ASIC2: variants seen among roughly 807,000 people sequenced by gnomAD.
The protein encoded by ASIC2 is acid-sensing ion channel 2.
A neutral mutation model predicts 57.3 loss-of-function variants in ASIC2; 25 were observed. That is an observed-to-expected ratio of 0.44 (90% CI 0.32 to 0.61). ASIC2 has a LOEUF of 0.61. ASIC2 is among the 20% of genes least tolerant of loss of function. ASIC2 has a pLI of 0.06. For missense variants in ASIC2, 641 were observed against 738.1 expected (o/e 0.87, Z 1.52); for synonymous variants, 319 against 307.5 (o/e 1.04, Z -0.39).
At chr17:33,766,870 T>C (rs1910950744) in intron 1 of ASIC2, among the ~76,000 whole-genome samples, 1 of 152,248 alleles carries the variant, frequency 6.6e-6, no homozygotes, top group Non-Finnish European at 1.5e-5. Context: ...CATTGCCTCA[T>C]TTACTTTTAT....
chr17:34,073,969 T>C (rs1019883035), intron 1 of ASIC2, among the ~76,000 whole-genome samples: 1 of 152,204 alleles, frequency 6.6e-6, no homozygotes, highest in Non-Finnish European at 1.5e-5. Flanking sequence ...AACTGGACTG[T>C]CTGCACATGC....
chr17:33,072,477 A>G (rs898293149), intron 3 of ASIC2, among the ~76,000 whole-genome samples: 4 of 152,202 alleles, frequency 2.6e-5, no homozygotes, highest in African/African-American at 7.2e-5. Context: ...ACTAAATGCC[A>G]TTCCAAAGTA....
intron 1 of ASIC2, among the ~76,000 whole-genome samples, chr17:33,755,401 T>C (rs1910572578): frequency 6.6e-6 from 1 of 152,154 alleles, no homozygotes; most frequent in Non-Finnish European, 1.5e-5. Context: ...CCTGATGTGT[T>C]ACAATAGCAA....
chr17:33,383,167 T>A (rs934937874), intron 1 of ASIC2, among the ~76,000 whole-genome samples: 2 of 152,240 alleles, frequency 1.3e-5, no homozygotes, highest in African/African-American at 4.8e-5. Flanking sequence ...TAGTATCTCC[T>A]ATGTTGGGTC....
chr17:33,670,685 A>G (rs989375803), intron 1 of ASIC2, among the ~76,000 whole-genome samples: 2 of 152,208 alleles, frequency 1.3e-5, no homozygotes, highest in South Asian at 2.1e-4. Flanking sequence ...TGGAAACGTG[A>G]GCACACTTCT....
At chr17:33,983,950 G>C (rs1905719226) in intron 1 of ASIC2, among the ~76,000 whole-genome samples, 1 of 152,200 alleles carries the variant, frequency 6.6e-6, no homozygotes, top group South Asian at 2.1e-4. Context: ...CCCTCTGTTT[G>C]TGCTGGCAAG....
chr17:33,225,168 C>T (rs1001374077), intron 1 of ASIC2, among the ~76,000 whole-genome samples: 4 of 152,170 alleles, frequency 2.6e-5, no homozygotes, highest in African/African-American at 2.4e-5. Flanking sequence ...CTGGGGAAAT[C>T]GTTGCATATG....
chr17:33,629,141 C>T (rs1478473181), intron 1 of ASIC2, among the ~76,000 whole-genome samples: 1 of 152,174 alleles, frequency 6.6e-6, no homozygotes, highest in Non-Finnish European at 1.5e-5. Context: ...TACATAAGCC[C>T]TCCTGGTCCC....
chr17:33,817,398 C>T (rs1293412114), intron 1 of ASIC2, among the ~76,000 whole-genome samples: 1 of 152,186 alleles, frequency 6.6e-6, no homozygotes, highest in African/African-American at 2.4e-5. Context: ...ATGCTACTCC[C>T]TCTGCCTACA....
chr17:33,384,681 G>A (rs891460581), intron 1 of ASIC2, among the ~76,000 whole-genome samples: 2 of 152,196 alleles, frequency 1.3e-5, no homozygotes, highest in Non-Finnish European at 2.9e-5. Context: ...AGAAGGACGT[G>A]TCCTTCAGTC....
intron 1 of ASIC2, among the ~76,000 whole-genome samples, chr17:33,592,999 A>C (rs1179302311): frequency 1.3e-5 from 2 of 152,232 alleles, no homozygotes; most frequent in Non-Finnish European, 2.9e-5. Context: ...CAGAGAGTTC[A>C]TAATCCCCTT....
At chr17:33,786,799 G>T (rs528753523) in intron 1 of ASIC2, among the ~76,000 whole-genome samples, 2 of 152,190 alleles carry the variant, frequency 1.3e-5, no homozygotes, top group African/African-American at 2.4e-5. Context: ...GGTACTACAA[G>T]TCACCCCTCA....
chr17:33,996,779 T>C, intron 1 of ASIC2, among the ~76,000 whole-genome samples: 1 of 152,228 alleles, frequency 6.6e-6, no homozygotes, highest in East Asian at 1.9e-4. Context: ...TATTTTGAAA[T>C]CAAGATGTCC....
chr17:33,121,141 A>G (rs1438853705), intron 1 of ASIC2, among the ~76,000 whole-genome samples: 7 of 152,198 alleles, frequency 4.6e-5, no homozygotes, highest in African/African-American at 1.7e-4. Flanking sequence ...GATCGTGCAT[A>G]AGCCCTGCAG....
At chr17:33,014,100 C>A in intron 9 of ASIC2, 34 bp from the exon 10 acceptor site, 1 of 1,523,998 alleles carries the variant, frequency 6.6e-7, no homozygotes, top group South Asian at 1.2e-5. Flanking sequence ...GTTTATTATT[C>A]GCTCAGCAAA....
intron 1 of ASIC2, among the ~76,000 whole-genome samples, chr17:33,982,430 G>T (rs1316765877): frequency 6.6e-6 from 1 of 152,204 alleles, no homozygotes; most frequent in Non-Finnish European, 1.5e-5. Flanking sequence ...GCCAGAGGCT[G>T]CAGCTCCAAG....
At chr17:34,117,775 C>CT (rs1337423004) in intron 1 of ASIC2, among the ~76,000 whole-genome samples, 1 of 152,020 alleles carries the variant, frequency 6.6e-6, no homozygotes, top group East Asian at 1.9e-4. Context: ...GAGGATGACT[C>CT]TGAGGTTTCT....
intron 1 of ASIC2, among the ~76,000 whole-genome samples, chr17:33,338,169 G>C (rs1953942498): frequency 6.6e-6 from 1 of 151,668 alleles, no homozygotes; most frequent in Non-Finnish European, 1.5e-5. Flanking sequence ...GTAATGGCAA[G>C]GAGATGGAAA....
intron 1 of ASIC2, among the ~76,000 whole-genome samples, chr17:33,881,512 T>C (rs1427391756): frequency 6.6e-6 from 1 of 152,180 alleles, no homozygotes; most frequent in South Asian, 2.1e-4. Context: ...CCACTCACAA[T>C]TGCTTCAAAG....
Sources: gnomAD v4.1 joint callset for allele counts (sites outside exome capture counted in the v4.1 genomes callset) on GRCh38, gnomAD v4.1.1 for gene constraint, MANE v1.5 for transcripts, NCBI Gene and HGNC (gene_info 2026-07-23, HGNC 2026-07-21) for gene names.